Variants in DTX1 observed in about 807,000 individuals in gnomAD.
DTX1 encodes the protein deltex E3 ubiquitin ligase 1, also known as E3 ubiquitin-protein ligase DTX1.
In DTX1, 26 loss-of-function variants were observed where a neutral mutation model predicts 57.8. The ratio of observed to expected loss-of-function variants is 0.45; its 90% CI spans 0.33 to 0.62. DTX1 has a LOEUF of 0.62. Ranked by LOEUF, DTX1 falls within the 20% of genes least tolerant of loss-of-function variation. The pLI, the probability that DTX1 is intolerant of heterozygous loss-of-function variation, is 0.02. For synonymous variants in DTX1, 398 were observed against 394.1 expected (o/e 1.01, Z -0.12); for missense variants, 704 against 895.3 (o/e 0.79, Z 2.73).
chr12:113,056,917 G>A lies in DTX1; in HGVS notation c.-772G>A, dbSNP rs1454426549. 1 of 152,706 alleles carries A rather than the reference G, an allele frequency of 6.5e-6. No homozygotes were observed. The highest frequency in any genetic ancestry group is 1.9e-4 in the East Asian group (1 of 5,198). 9.5% of individuals were successfully genotyped at this position (152,706 alleles called of 1,614,324 possible). On this transcript the variant is annotated 5_prime_UTR_variant, in exon 1 of 10. Coordinates refer to ENST00000548759, the MANE Select transcript of DTX1 (RefSeq NM_004416.3). The stretch of plus-strand genomic sequence containing the variant: ...GGCGGCGGTGCTGGAGCGCGAGCCG[G>A]AGCCGGAGCCGGAGACGAAGAGAGG...
chr12:113,086,362 G>A (rs2044857173), intron 3 of DTX1, among the ~76,000 whole-genome samples: 1 of 152,208 alleles, frequency 6.6e-6, no homozygotes, highest in African/African-American at 2.4e-5. Flanking sequence ...GGTCTGGGGT[G>A]CCTGAGAAGG....
At chr12:113,071,779 T>C (rs1024293958) in intron 2 of DTX1, among the ~76,000 whole-genome samples, 1 of 152,234 alleles carries the variant, frequency 6.6e-6, no homozygotes, top group African/African-American at 2.4e-5. Flanking sequence ...GGCGGACGGA[T>C]GGGCAGGCGG....
In DTX1 at chr12:113,057,680, C is replaced by T. The variant is rs2044636483; in HGVS notation, c.-513C>T. On this transcript the variant is annotated 5_prime_UTR_variant, in exon 2 of 10. Transcript: ENST00000548759. Reference sequence around the variant, plus strand: ...GAGCCGTCGGAGAAGGGGGCCCAGACCGGAGGGAGGCGAGAAGCCCCACTG... The same window carrying T: ...GAGCCGTCGGAGAAGGGGGCCCAGATCGGAGGGAGGCGAGAAGCCCCACTG... The T allele has an allele frequency of 6.4e-6, 1 of 156,230 alleles. No individual in the cohort carries two copies. Among genetic ancestry groups the T allele is most frequent in the Admixed American group, 6.1e-5 (1 of 16,268 alleles). 9.7% of individuals were successfully genotyped at this position (156,230 alleles called of 1,614,324 possible).
intron 3 of DTX1, among the ~76,000 whole-genome samples, chr12:113,089,073 C>T (rs1358323453): frequency 6.6e-6 from 1 of 152,148 alleles, no homozygotes; most frequent in African/African-American, 2.4e-5. Context: ...GACATTTGAG[C>T]AGAGACCTGT....
chr12:113,057,785 A>T lies in DTX1; in HGVS notation c.-408A>T. On this transcript the variant is annotated 5_prime_UTR_variant, in exon 2 of 10. Transcript: ENST00000548759. ...CCGCAGGAGCAGCAGGCTGTGGCCCAGGCCTCCTGGGTGACAGGCCCTGTC... is the reference window on the plus strand; with the variant it reads ...CCGCAGGAGCAGCAGGCTGTGGCCCTGGCCTCCTGGGTGACAGGCCCTGTC... 1.1e-5 allele frequency: 2 copies of T among 186,528 alleles called. No individual in the cohort carries two copies. Among genetic ancestry groups the T allele is most frequent in the Non-Finnish European group, 2.2e-5 (2 of 89,068 alleles). The allele number at this position is 186,528 out of a possible 1,614,324, so 11.6% of individuals were successfully genotyped here.
chr12:113,078,874 G>A (rs2136060001), intron 3 of DTX1, among the ~76,000 whole-genome samples: 1 of 152,152 alleles, frequency 6.6e-6, no homozygotes, highest in Non-Finnish European at 1.5e-5. Context: ...TGGGCTCCAG[G>A]GACTCCCGGG....
At chr12:113,066,691 G>A (rs2384077) in intron 2 of DTX1, among the ~76,000 whole-genome samples, 100,178 of 151,968 alleles carry the variant, frequency 0.66, 33,323 homozygotes, top group East Asian at 0.9. Flanking sequence ...TTCATCAGGA[G>A]TTTCATGAGC....
intron 2 of DTX1, among the ~76,000 whole-genome samples, chr12:113,059,401 A>G (rs894119611): frequency 1.3e-5 from 2 of 151,944 alleles, no homozygotes; most frequent in Middle Eastern, 3.4e-3. Context: ...GCTGTTACTT[A>G]GTGGTATTGG....
At chr12:113,063,704 G>C (rs973759257) in intron 2 of DTX1, among the ~76,000 whole-genome samples, 1 of 152,198 alleles carries the variant, frequency 6.6e-6, no homozygotes, top group African/African-American at 2.4e-5. Context: ...GCTGGTTCTG[G>C]GATCTTCCAG....
chr12:113,093,256 G>A lies in DTX1; in HGVS notation c.1003+33G>A, dbSNP rs1225085449. On this transcript the variant is annotated intron_variant, in intron 4 of 9. Transcript: ENST00000548759. This position sits in a 1 kb window ranked among gnomAD's most constrained non-coding sequence, Gnocchi z 4.2. ...CTGGCCCAGGGCGGGAAAGAAGGGC[G>A]GGGCCCACTAGGAGGCAGCTCCGCC... 3 of 1,564,586 alleles carry A rather than the reference G, an allele frequency of 1.9e-6. No homozygotes were observed. The highest frequency in any genetic ancestry group is 3.6e-4 in the Middle Eastern group (2 of 5,596).
At position 113,057,639 on chromosome 12, in the gene DTX1, A is replaced by ACGCC. The variant is rs1236028797; in HGVS notation, c.-552_-549dup. On this transcript the variant is annotated 5_prime_UTR_variant, in exon 2 of 10. Transcript: ENST00000548759. The stretch of plus-strand genomic sequence containing the variant: ...GTGGAGAGGGAACAAGGGGGCAGGG[A>ACGCC]CGCCCCCTTCGGCAGGAGCCGTCGG... The ACGCC allele has an allele frequency of 1.9e-5, 3 of 155,650 alleles. No individual in the cohort carries two copies. Among genetic ancestry groups the ACGCC allele is most frequent in the African/African-American group, 7.2e-5 (3 of 41,432 alleles). 9.6% of individuals were successfully genotyped at this position (155,650 alleles called of 1,614,324 possible). A position where few individuals can be genotyped will look rare whatever the true frequency, so the allele number is the denominator to read the frequency against.
At chr12:113,096,241 C>T (rs1379161541) in intron 9 of DTX1, among the ~76,000 whole-genome samples, 2 of 149,352 alleles carry the variant, frequency 1.3e-5, no homozygotes, top group Non-Finnish European at 3.0e-5. Context: ...CAGTGGTGCA[C>T]ACCTGTAATC....
chr12:113,071,670 C>T (rs778187252), intron 2 of DTX1, among the ~76,000 whole-genome samples: 1 of 152,266 alleles, frequency 6.6e-6, no homozygotes, highest in Non-Finnish European at 1.5e-5. Flanking sequence ...ATTTCCACCA[C>T]TGCTCCCTTA....
intron 3 of DTX1, among the ~76,000 whole-genome samples, chr12:113,088,517 G>A (rs1406215180): frequency 6.6e-6 from 1 of 152,246 alleles, no homozygotes; most frequent in Non-Finnish European, 1.5e-5. Flanking sequence ...TAAATGATGA[G>A]TTAATGGGCG....
intron 2 of DTX1, 137 bp downstream of exon 2, chr12:113,058,588 G>A: frequency 1.4e-6 from 2 of 1,429,150 alleles, no homozygotes; most frequent in South Asian, 2.8e-5. Flanking sequence ...AGAAAAACAG[G>A]GCAGTCTAAC....
intron 2 of DTX1, among the ~76,000 whole-genome samples, chr12:113,065,647 G>A (rs1165922846): frequency 6.6e-6 from 1 of 152,180 alleles, no homozygotes; most frequent in Non-Finnish European, 1.5e-5. Context: ...GGGAAGCGTG[G>A]GGGCTGGAGT....
In DTX1 at chr12:113,093,450, CCCGAGGG is replaced by C; in HGVS notation, c.1004-86_1004-80del. 8.7e-7 allele frequency: 1 copy of C among 1,150,298 alleles called. No homozygotes were observed. The highest frequency in any genetic ancestry group is 1.2e-6 in the Non-Finnish European group (1 of 831,172). The allele number at this position is 1,150,298 out of a possible 1,614,324, so 71.3% of individuals were successfully genotyped here. A position where few individuals can be genotyped will look rare whatever the true frequency, so the allele number is the denominator to read the frequency against. ...CCCAAGAGCGCAACCCTCCCACCCA[CCCGAGGG>C]CCCCGGGATTCCCAGGGCCAGTGGT... On this transcript the variant is annotated intron_variant, in intron 4 of 9. Coordinates refer to ENST00000548759, the MANE Select transcript of DTX1 (RefSeq NM_004416.3). The surrounding 1 kb of genome is among the most constrained non-coding windows in gnomAD (Gnocchi z 4.2).
rs1853942083 is a variant in DTX1 at position 113,059,825 on chromosome 12, T to TA, written c.259+1376dup. Among the ~76,000 whole-genome samples, 8 of 152,224 alleles carry TA rather than the reference T, an allele frequency of 5.3e-5. No individual in the cohort carries two copies. In the South Asian group the frequency reaches 1.7e-3, roughly 32 times the overall value. ...CACATGTGGCTACTTAAATTTACAT[T>TA]AATTAAAACTAAGTAAAATGTAAAA... On this transcript the variant is annotated intron_variant, in intron 2 of 9. Coordinates refer to ENST00000548759, the MANE Select transcript of DTX1 (RefSeq NM_004416.3).
rs1187007556 is a variant in DTX1 at position 113,078,100 on chromosome 12, G to A, written c.936G>A (p.Pro312=). The A allele has an allele frequency of 7.2e-7, 1 of 1,381,748 alleles. No individual in the cohort carries two copies. Among genetic ancestry groups the A allele is most frequent in the Non-Finnish European group, 9.4e-7 (1 of 1,068,484 alleles). 85.6% of individuals were successfully genotyped at this position (1,381,748 alleles called of 1,614,324 possible). ...TTSVSARASI[P]PGVPALPVKN... ...GCGTGAGCGCGCGCGCCTCCATCCC[G>A]CCGGGGTAAGACGGGGCCCAGGGGG... The change falls in exon 3 of 10, where the codon CCG becomes CCA. Residue 312 remains proline, a synonymous_variant. Transcript: ENST00000548759.
Sources: allele counts gnomAD v4.1 joint callset (sites outside exome capture counted in the v4.1 genomes callset), GRCh38; gene constraint gnomAD v4.1.1; non-coding constraint Gnocchi (gnomAD v3.1); transcripts MANE v1.5; gene names NCBI Gene and HGNC (gene_info 2026-07-23, HGNC 2026-07-21).